The following KANK1 variants were observed in gnomAD, a reference collection of about 807,000 sequenced individuals.
KANK1 encodes KN motif and ankyrin repeat domain-containing protein 1.
A neutral mutation model predicts 106.2 loss-of-function variants in KANK1; 109 were observed. The observed-to-expected ratio is 1.03, with a 90% confidence interval of 0.88 to 1.20. The LOEUF (loss-of-function observed/expected upper bound fraction) is 1.20. Among genes scored for constraint, KANK1 ranks in the 50% most tolerant of loss-of-function variants. KANK1 has a pLI of 0.00. For missense variants in KANK1, 2,399 were observed against 1,710.7 expected (o/e 1.40, Z -7.10); for synonymous variants, 873 against 652.2 (o/e 1.34, Z -5.16).
chr9:593,551 G>C (rs564529462), intron 1 of KANK1, among the ~76,000 whole-genome samples: 8 of 144,500 alleles, frequency 5.5e-5, no homozygotes, highest in Non-Finnish European at 8.9e-5. Context: ...TTTGTTTTTT[G>C]GCTGGTGGCA....
At chr9:520,767 A>G (rs1380119747) in intron 1 of KANK1, among the ~76,000 whole-genome samples, 2 of 151,762 alleles carry the variant, frequency 1.3e-5, no homozygotes, top group Non-Finnish European at 2.9e-5. Context: ...TCTTTTATGA[A>G]TTGGAGAGCT....
At chr9:613,128 T>C (rs1830963268) in intron 1 of KANK1, among the ~76,000 whole-genome samples, 1 of 151,976 alleles carries the variant, frequency 6.6e-6, no homozygotes, top group African/African-American at 2.4e-5. Flanking sequence ...ATCTTGTAAG[T>C]AGACCAGAAT....
intron 1 of KANK1, among the ~76,000 whole-genome samples, chr9:641,351 C>G (rs537606582): frequency 6.6e-6 from 1 of 152,286 alleles, no homozygotes; most frequent in Non-Finnish European, 1.5e-5. Flanking sequence ...AAGAATCCTC[C>G]TTATCAGATA....
intron 1 of KANK1, among the ~76,000 whole-genome samples, chr9:606,708 T>C (rs1037993380): frequency 2.0e-5 from 3 of 151,522 alleles, no homozygotes; most frequent in South Asian, 4.2e-4. Flanking sequence ...CAGTTGCAGC[T>C]ACAAAGGAAG....
intron 5 of KANK1, 65 bp downstream of exon 5, chr9:731,331 C>T: frequency 3.2e-6 from 3 of 944,092 alleles, no homozygotes; most frequent in Non-Finnish European, 5.0e-6. Context: ...GCCTAAGTCA[C>T]ATTTCAAGGC....
intron 2 of KANK1, 78 bp downstream of exon 2, chr9:677,087 A>G: frequency 9.1e-6 from 12 of 1,314,742 alleles, no homozygotes; most frequent in Non-Finnish European, 9.8e-6. Context: ...TTAATAATGA[A>G]CGGATAATAG....
At chr9:577,108 T>C (rs892301567) in intron 1 of KANK1, among the ~76,000 whole-genome samples, 2 of 152,170 alleles carry the variant, frequency 1.3e-5, no homozygotes, top group Non-Finnish European at 1.5e-5. Context: ...ACCCAAAGAC[T>C]GAGCAGCAGC....
chr9:724,860 G>T (rs891312634), intron 3 of KANK1, among the ~76,000 whole-genome samples: 6 of 152,208 alleles, frequency 3.9e-5, no homozygotes, highest in African/African-American at 1.4e-4. Flanking sequence ...TTTGGAGGCC[G>T]CTGCAATATT....
Position 601,982 on chromosome 9 carries a change from C to T in KANK1, c.-83-74908C>T, listed in dbSNP as rs576805986. Among the ~76,000 whole-genome samples the T allele has an allele frequency of 1.1e-4, 16 of 151,958 alleles. 1 individual carries two copies. The South Asian group carries it at 3.1e-3, about 30-fold the overall frequency. ...TTTATGGTGAGCTCTTTCCTGTGAA[C>T]ATGGTTGTACCAGGTCTGAAACTCG... is the stretch of plus-strand genomic sequence containing the variant. On this transcript the variant is annotated intron_variant, in intron 1 of 11. Transcript: ENST00000382297.
At chr9:516,270 T>G (rs2059273624) in intron 1 of KANK1, among the ~76,000 whole-genome samples, 1 of 151,624 alleles carries the variant, frequency 6.6e-6, no homozygotes, top group Admixed American at 6.6e-5. Context: ...CACCAAACTT[T>G]TAACTCCTTT....
At chr9:588,510 T>G (rs1824059855) in intron 1 of KANK1, among the ~76,000 whole-genome samples, 1 of 152,212 alleles carries the variant, frequency 6.6e-6, no homozygotes, top group Non-Finnish European at 1.5e-5. Context: ...CACACCAGTT[T>G]ATAATCTCAG....
chr9:745,032 C>A (rs916819114), intron 11 of KANK1, 141 bp from the exon 12 acceptor site: 96 of 1,515,812 alleles, frequency 6.3e-5, no homozygotes, highest in Non-Finnish European at 8.2e-5. Context: ...GACACCTGTT[C>A]CCTGTTCTCA....
At chr9:638,278 T>A (rs886535345) in intron 1 of KANK1, among the ~76,000 whole-genome samples, 8 of 152,170 alleles carry the variant, frequency 5.3e-5, no homozygotes, top group African/African-American at 1.9e-4. Flanking sequence ...AAGTCCAAGA[T>A]CAGGGGGACA....
intron 1 of KANK1, among the ~76,000 whole-genome samples, chr9:518,461 A>G (rs1050768255): frequency 2.6e-5 from 4 of 151,716 alleles, no homozygotes; most frequent in Admixed American, 2.0e-4. Context: ...TTTCGGCCAG[A>G]CACTTCAAGG....
chr9:640,530 TG>T (rs1271182818), intron 1 of KANK1, among the ~76,000 whole-genome samples: 1 of 151,980 alleles, frequency 6.6e-6, no homozygotes, highest in African/African-American at 2.4e-5. Context: ...CCTGAGTAGC[TG>T]GGATTACAGG....
At chr9:574,087 G>T (rs1374588085) in intron 1 of KANK1, among the ~76,000 whole-genome samples, 1 of 152,248 alleles carries the variant, frequency 6.6e-6, no homozygotes, top group Non-Finnish European at 1.5e-5. Flanking sequence ...TTGTCCTGTA[G>T]AAGTAGAAAT....
chr9:564,720 C>G (rs1817388571), intron 1 of KANK1, among the ~76,000 whole-genome samples: 1 of 152,254 alleles, frequency 6.6e-6, no homozygotes. Flanking sequence ...CCTCCTAACA[C>G]TCTTTCAGGA....
intron 1 of KANK1, among the ~76,000 whole-genome samples, chr9:570,536 A>C (rs191750852): frequency 6.6e-6 from 1 of 152,346 alleles, no homozygotes; most frequent in Admixed American, 6.5e-5. Flanking sequence ...AGGATCTTTC[A>C]TCAGCATAAA....
intron 2 of KANK1, chr9:686,725 C>T: frequency 1.0e-6 from 1 of 975,304 alleles, no homozygotes; most frequent in South Asian, 4.7e-5. Context: ...GTCATAAGTG[C>T]AATGATTGTT....
Sources: gnomAD v4.1 joint callset for allele counts (sites outside exome capture counted in the v4.1 genomes callset) on GRCh38, gnomAD v4.1.1 for gene constraint, MANE v1.5 for transcripts, NCBI Gene and HGNC (gene_info 2026-07-23, HGNC 2026-07-21) for gene names.